Variants in CTNND2 observed in about 807,000 individuals in gnomAD.
The protein encoded by CTNND2 is catenin delta-2.
CTNND2 carries 22 observed loss-of-function variants against 144.4 expected under a neutral mutation model. That is an observed-to-expected ratio of 0.15 (90% CI 0.11 to 0.22). The LOEUF (loss-of-function observed/expected upper bound fraction) is 0.22. Among genes scored for constraint, CTNND2 ranks in the 10% least tolerant of loss-of-function variants. The pLI, the probability that CTNND2 is intolerant of heterozygous loss-of-function variation, is 1.00. For synonymous variants in CTNND2, 751 were observed against 695.6 expected, an observed-to-expected ratio of 1.08 and a Z score of -1.25; for missense variants, 1,353 against 1,618.8, an observed-to-expected ratio of 0.84 and a Z score of 2.82.
intron 16 of CTNND2, among the ~76,000 whole-genome samples, chr5:11,074,729 T>G (rs1561262750): frequency 6.6e-6 from 1 of 152,200 alleles, no homozygotes; most frequent in African/African-American, 2.4e-5. Context: ...AGACCTGGCA[T>G]GGAGGAAGGA....
chr5:11,714,465 C>G (rs559174709), intron 2 of CTNND2, among the ~76,000 whole-genome samples: 50 of 152,266 alleles, frequency 3.3e-4, no homozygotes, highest in African/African-American at 1.2e-3. Context: ...AGCAGAGAAG[C>G]AAGCTCACTT....
At chr5:11,011,545 A>T (rs572441735) in intron 18 of CTNND2, among the ~76,000 whole-genome samples, 60 of 152,208 alleles carry the variant, frequency 3.9e-4, no homozygotes, top group African/African-American at 1.4e-3. Context: ...TCATTCGGAG[A>T]GATACTGAGT....
chr5:11,481,657 C>T (rs965445296), intron 3 of CTNND2, among the ~76,000 whole-genome samples: 1 of 151,678 alleles, frequency 6.6e-6, no homozygotes, highest in African/African-American at 2.4e-5. Context: ...GACAGAGAGA[C>T]AGACAGACAG....
chr5:11,320,990 T>C (rs1261555768), intron 9 of CTNND2, among the ~76,000 whole-genome samples: 1 of 152,204 alleles, frequency 6.6e-6, no homozygotes, highest in African/African-American at 2.4e-5. Flanking sequence ...TTTAAAATGT[T>C]ATGCAATAAA....
intron 2 of CTNND2, among the ~76,000 whole-genome samples, chr5:11,722,264 A>G (rs1272520706): frequency 6.6e-6 from 1 of 152,226 alleles, no homozygotes; most frequent in Non-Finnish European, 1.5e-5. Flanking sequence ...TTGCTATAAC[A>G]GTACTTAAAT....
chr5:11,241,730 T>C (rs949206542), intron 9 of CTNND2, among the ~76,000 whole-genome samples: 3 of 152,228 alleles, frequency 2.0e-5, no homozygotes, highest in African/African-American at 7.2e-5. Flanking sequence ...CATGGAGATA[T>C]ACCCCAGAGA....
intron 9 of CTNND2, among the ~76,000 whole-genome samples, chr5:11,291,297 G>T (rs550279382): frequency 2.0e-5 from 3 of 151,248 alleles, no homozygotes; most frequent in Admixed American, 1.3e-4. Flanking sequence ...CATCATTCTA[G>T]GCTAGAAAAC....
At chr5:11,550,509 A>C (rs1035683952) in intron 3 of CTNND2, among the ~76,000 whole-genome samples, 7 of 152,250 alleles carry the variant, frequency 4.6e-5, no homozygotes, top group African/African-American at 1.7e-4. Flanking sequence ...TGCCTTGGAC[A>C]GATCTTTTCA....
At chr5:11,425,401 A>G (rs181455364) in intron 3 of CTNND2, among the ~76,000 whole-genome samples, 5 of 152,168 alleles carry the variant, frequency 3.3e-5, no homozygotes, top group African/African-American at 9.7e-5. Context: ...AACATTACAC[A>G]TGAAAAAATT....
At chr5:11,353,359 C>A (rs1235137336) in intron 8 of CTNND2, among the ~76,000 whole-genome samples, 1 of 152,098 alleles carries the variant, frequency 6.6e-6, no homozygotes, top group Non-Finnish European at 1.5e-5. Flanking sequence ...CTCCACTGTT[C>A]GGCACTAGAG....
chr5:11,846,823 G>A (rs2168877), intron 1 of CTNND2, among the ~76,000 whole-genome samples: 8,612 of 151,726 alleles, frequency 0.057, 755 homozygotes, highest in African/African-American at 0.19. Flanking sequence ...ATATGAAAAT[G>A]GTTAATAGAC....
intron 2 of CTNND2, among the ~76,000 whole-genome samples, chr5:11,595,309 T>C: frequency 6.6e-6 from 1 of 152,190 alleles, no homozygotes; most frequent in East Asian, 1.9e-4. Flanking sequence ...GCTGCTGCAC[T>C]AAACTCTTGA....
intron 2 of CTNND2, among the ~76,000 whole-genome samples, chr5:11,634,531 TCTCA>T (rs1441592898): frequency 2.0e-5 from 3 of 152,142 alleles, no homozygotes; most frequent in African/African-American, 7.2e-5. Context: ...ACCAGGAGTC[TCTCA>T]TTTAAAAACC....
chr5:11,101,340 G>C (rs960175746), intron 14 of CTNND2, among the ~76,000 whole-genome samples: 4 of 152,110 alleles, frequency 2.6e-5, no homozygotes, highest in Admixed American at 6.5e-5. Flanking sequence ...ATATTATTTT[G>C]TCTAGCTCAT....
intron 1 of CTNND2, among the ~76,000 whole-genome samples, chr5:11,883,698 T>C (rs1349096660): frequency 4.6e-5 from 7 of 152,202 alleles, no homozygotes; most frequent in Admixed American, 4.6e-4. Context: ...ATATACCCAG[T>C]AATGGGATTG....
chr5:11,591,448 T>A (rs1779235590), intron 2 of CTNND2, among the ~76,000 whole-genome samples: 1 of 152,188 alleles, frequency 6.6e-6, no homozygotes, highest in South Asian at 2.1e-4. Context: ...TATTGCCTTT[T>A]TTTCTCTCTT....
At chr5:11,181,027 G>C (rs73053713) in intron 11 of CTNND2, among the ~76,000 whole-genome samples, 2 of 152,108 alleles carry the variant, frequency 1.3e-5, no homozygotes, top group Non-Finnish European at 2.9e-5. Flanking sequence ...GTTTGGGCAG[G>C]TTAGGCAGGC....
chr5:11,311,948 C>T (rs564475124), intron 9 of CTNND2, among the ~76,000 whole-genome samples: 2 of 147,730 alleles, frequency 1.4e-5, no homozygotes, highest in East Asian at 4.1e-4. Context: ...CTCACACACA[C>T]TCCCTATATA....
intron 1 of CTNND2, among the ~76,000 whole-genome samples, chr5:11,755,230 G>A (rs192010085): frequency 1.9e-4 from 29 of 151,770 alleles, no homozygotes; most frequent in African/African-American, 6.8e-4. Flanking sequence ...GAAATTCTCC[G>A]TTGCAATTTA....
Sources: gnomAD v4.1 joint callset for allele counts (sites outside exome capture counted in the v4.1 genomes callset) on GRCh38, gnomAD v4.1.1 for gene constraint, MANE v1.5 for transcripts, NCBI Gene and HGNC (gene_info 2026-07-23, HGNC 2026-07-21) for gene names.